Variants in MEGF6 observed in about 807,000 individuals in gnomAD.
MEGF6 encodes multiple epidermal growth factor-like domains protein 6.
MEGF6 carries 184 observed loss-of-function variants against 207.1 expected under a neutral mutation model. That is an observed-to-expected ratio of 0.89 (90% CI 0.79 to 1.00). MEGF6 has a LOEUF of 1.00. Ranked by LOEUF, MEGF6 falls within the 50% of genes least tolerant of loss-of-function variation. The pLI, the probability that MEGF6 is intolerant of heterozygous loss-of-function variation, is 0.00. For synonymous variants in MEGF6, 1,038 were observed against 910.0 expected (o/e 1.14, Z -2.53); for missense variants, 2,282 against 2,202.9 (o/e 1.04, Z -0.72).
Position 3,508,288 on chromosome 1 carries a change from C to T in MEGF6, c.1660+270G>A, listed in dbSNP as rs72852501. 6.1e-3 allele frequency among the ~76,000 whole-genome samples: 933 copies of T among 152,316 alleles called. 14 individuals are homozygous for T. Among genetic ancestry groups the T allele is most frequent in the African/African-American group, 0.021 (880 of 41,576 alleles). ...TTTGCTGGCTTGCTTGTTGCTGGACCGTGAAGACTGATATTTAGGAAGGAC... is the reference window on the plus strand; with the variant it reads ...TTTGCTGGCTTGCTTGTTGCTGGACTGTGAAGACTGATATTTAGGAAGGAC... On this transcript the variant is annotated intron_variant, in intron 13 of 36. Coordinates refer to ENST00000356575, the MANE Select transcript of MEGF6 (RefSeq NM_001409.4).
rs987732862 is a variant in MEGF6, at chr1:3,498,976, C to T, written c.3095-150G>A. On this transcript the variant is annotated intron_variant, in intron 24 of 36. Coordinates refer to ENST00000356575, the MANE Select transcript of MEGF6 (RefSeq NM_001409.4). ...TGACCTGCCAGCCCAGCCTCACTCC[C>T]CATCCCTGCCTGGAGAGGGGCACAG... 9.9e-6 allele frequency: 14 copies of T among 1,412,386 alleles called. 1 individual carries two copies. The highest frequency in any genetic ancestry group is 2.1e-5 in the Admixed American group (1 of 47,992). 87.5% of individuals were successfully genotyped at this position (1,412,386 alleles called of 1,614,324 possible). A position where few individuals can be genotyped will look rare whatever the true frequency, so the allele number is the denominator to read the frequency against.
intron 17 of MEGF6, among the ~76,000 whole-genome samples, 182 bp downstream of exon 17, chr1:3,505,026 T>G (rs1641048306): frequency 1.3e-5 from 2 of 152,050 alleles, no homozygotes; most frequent in Non-Finnish European, 2.9e-5. Flanking sequence ...CACTGCCATG[T>G]GACAGGCCGT....
chr1:3,527,423 A>G (rs921809311), intron 4 of MEGF6, among the ~76,000 whole-genome samples: 1 of 152,200 alleles, frequency 6.6e-6, no homozygotes, highest in African/African-American at 2.4e-5. Context: ...CTCCAGGGCC[A>G]TCTACTGGAG....
chr1:3,492,973 C>A, intron 34 of MEGF6: 1 of 625,526 alleles, frequency 1.6e-6, no homozygotes, highest in Non-Finnish European at 2.7e-6. Context: ...CATTCTGCAG[C>A]CAGTGAGCTC....
chr1:3,549,841 C>A (rs1470696154), intron 4 of MEGF6, among the ~76,000 whole-genome samples: 1 of 152,076 alleles, frequency 6.6e-6, no homozygotes, highest in Non-Finnish European at 1.5e-5. Context: ...GGGCACCAGA[C>A]AGGCCCCTTG....
At chr1:3,569,172 G>A (rs1018335413) in intron 4 of MEGF6, among the ~76,000 whole-genome samples, 2 of 152,194 alleles carry the variant, frequency 1.3e-5, no homozygotes, top group African/African-American at 2.4e-5. Context: ...GCCTGTTCAG[G>A]GGGGGAGACC....
intron 4 of MEGF6, among the ~76,000 whole-genome samples, chr1:3,575,352 G>A (rs1643612022): frequency 1.3e-5 from 2 of 152,096 alleles, no homozygotes; most frequent in South Asian, 4.1e-4. Flanking sequence ...ACAGGGGAGG[G>A]GGTCTTTAGA....
At chr1:3,544,958 T>A (rs1196460931) in intron 4 of MEGF6, among the ~76,000 whole-genome samples, 2 of 152,082 alleles carry the variant, frequency 1.3e-5, no homozygotes, top group African/African-American at 4.8e-5. Flanking sequence ...TGACCCGCCC[T>A]TTGCTCCCTA....
Position 3,595,354 on chromosome 1 carries a change from C to T in MEGF6, c.360G>A (p.Glu120=). 6.8e-6 allele frequency: 11 copies of T among 1,612,308 alleles called. 1 individual carries two copies. Among genetic ancestry groups the T allele is most frequent in the South Asian group, 4.4e-5 (4 of 91,066 alleles). The change falls in exon 3 of 37, where the codon GAG becomes GAA. Residue 120 remains glutamate, a synonymous_variant. Coordinates refer to ENST00000356575, the MANE Select transcript of MEGF6 (RefSeq NM_001409.4). ...CCRGWMQQPD[E]EGCLSAECSA... ...GGCACTCACCCGAGAGGCAGCCCTCCTCGTCGGGCTGCTGCATCCACCCTC... is the reference window on the plus strand; with the variant it reads ...GGCACTCACCCGAGAGGCAGCCCTCTTCGTCGGGCTGCTGCATCCACCCTC...
At chr1:3,496,388 C>T (rs1253218228) in intron 29 of MEGF6, among the ~76,000 whole-genome samples, 1 of 152,264 alleles carries the variant, frequency 6.6e-6, no homozygotes, top group African/African-American at 2.4e-5. Flanking sequence ...TGCTCAAGCC[C>T]CTGGCAGACA....
Position 3,499,696 on chromosome 1 carries a change from C to G in MEGF6, c.2857G>C (p.Gly953Arg). 2.5e-6 allele frequency: 4 copies of G among 1,603,928 alleles called. No homozygotes were observed. The highest frequency in any genetic ancestry group is 3.4e-6 in the Non-Finnish European group (4 of 1,176,362). Residue 953 changes from glycine to arginine, a missense_variant, in exon 23 of 37, where the codon GGA becomes CGA. Physicochemically the swap from Gly to Arg is moderately radical, Grantham distance 125. Coordinates refer to ENST00000356575, the MANE Select transcript of MEGF6 (RefSeq NM_001409.4). Reference protein sequence around the residue: ...CEHACPAGFFGLDCRSACNCT... With the variant: ...CEHACPAGFFRLDCRSACNCT... ...TTGCAGGCACTGCGACAGTCCAATC[C>G]AAAGAAGCCGGCCGGGCAGGCTGCA...
intron 5 of MEGF6, among the ~76,000 whole-genome samples, chr1:3,522,433 A>G (rs1046008873): frequency 2.0e-5 from 3 of 152,158 alleles, no homozygotes; most frequent in Non-Finnish European, 2.9e-5. Context: ...GGCCCTGCCC[A>G]GGGGCCCTGG....
At chr1:3,526,351 C>T (rs1008377099) in intron 4 of MEGF6, among the ~76,000 whole-genome samples, 2 of 152,030 alleles carry the variant, frequency 1.3e-5, no homozygotes, top group African/African-American at 4.8e-5. Flanking sequence ...ATGGGCATTG[C>T]CCCAGCCACC....
chr1:3,611,420 G>A lies in MEGF6; in HGVS notation c.-152C>T, dbSNP rs1202864630. The A allele has an allele frequency of 1.8e-6, 2 of 1,128,564 alleles. No individual in the cohort carries two copies. Among genetic ancestry groups the A allele is most frequent in the East Asian group, 3.3e-5 (1 of 30,604 alleles). 69.9% of individuals were successfully genotyped at this position (1,128,564 alleles called of 1,614,324 possible). On this transcript the variant is annotated 5_prime_UTR_variant, in exon 1 of 37. Coordinates refer to ENST00000356575, the MANE Select transcript of MEGF6 (RefSeq NM_001409.4). Reference sequence around the variant, plus strand: ...GGTCGCTGCAGGTGCGGAGCGTCCCGGCTTCCCGCCCGCGCCCAAAGTGGC... The same window carrying A: ...GGTCGCTGCAGGTGCGGAGCGTCCCAGCTTCCCGCCCGCGCCCAAAGTGGC...
intron 7 of MEGF6, among the ~76,000 whole-genome samples, chr1:3,513,917 T>C (rs550174341): frequency 1.6e-4 from 24 of 151,740 alleles, no homozygotes; most frequent in South Asian, 1.5e-3. Flanking sequence ...CTTATTCATC[T>C]CTTCAGTTTT....
At chr1:3,502,008 G>T in intron 17 of MEGF6, 87 bp from the exon 18 acceptor site, 1 of 1,117,056 alleles carries the variant, frequency 9.0e-7, no homozygotes. Context: ...TGGTGAGTGT[G>T]CCCCCTGTGC....
chr1:3,497,620 G>A, intron 26 of MEGF6: 1 of 664,424 alleles, frequency 1.5e-6, no homozygotes, highest in East Asian at 2.9e-5. Flanking sequence ...CCTTGGCACA[G>A]GCTGCAGGGA....
intron 31 of MEGF6, 39 bp downstream of exon 31, chr1:3,494,574 T>C (rs1276722440): frequency 2.6e-6 from 4 of 1,560,566 alleles, no homozygotes; most frequent in Non-Finnish European, 3.5e-6. Context: ...GGCACCTCCC[T>C]GAGGGGATGC....
chr1:3,516,189 G>T (rs1641535739), intron 5 of MEGF6, among the ~76,000 whole-genome samples: 2 of 152,258 alleles, frequency 1.3e-5, no homozygotes, highest in South Asian at 4.1e-4. Context: ...GGTTGGCCCA[G>T]TGGGTGCCTG....
Sources: allele counts gnomAD v4.1 joint callset (sites outside exome capture counted in the v4.1 genomes callset), GRCh38; gene constraint gnomAD v4.1.1; transcripts MANE v1.5; gene names NCBI Gene and HGNC (gene_info 2026-07-23, HGNC 2026-07-21).